Variants in RBFA observed in about 807,000 individuals in gnomAD.
RBFA encodes the protein ribosome binding factor A, also known as putative ribosome-binding factor A, mitochondrial.
A neutral mutation model predicts 27.9 loss-of-function variants in RBFA; 16 were observed. The observed-to-expected ratio is 0.57, with a 90% CI of 0.39 to 0.87. RBFA has a LOEUF of 0.87. Among genes scored for constraint, RBFA ranks in the 40% least tolerant of loss-of-function variants. RBFA has a pLI of 0.00. For synonymous variants in RBFA, 181 were observed against 181.0 expected, an observed-to-expected ratio of 1.00 and a Z score of 0.00; for missense variants, 456 against 432.1, an observed-to-expected ratio of 1.06 and a Z score of -0.49.
At chr18:80,045,077 G>T (rs1231125033) in intron 6 of RBFA, among the ~76,000 whole-genome samples, 1 of 152,250 alleles carries the variant, frequency 6.6e-6, no homozygotes, top group African/African-American at 2.4e-5. Context: ...GGATACAGGG[G>T]CTGTGACGTG....
chr18:80,038,540 G>C lies in RBFA; in HGVS notation c.414G>C (p.Ala138=). The C allele has an allele frequency of 1.2e-6, 2 of 1,613,914 alleles. No homozygotes were observed. The highest frequency in any genetic ancestry group is 1.7e-6 in the Non-Finnish European group (2 of 1,179,840). The change falls in exon 4 of 7, where the codon GCG becomes GCC. Residue 138 remains alanine (A), a synonymous_variant. Coordinates refer to ENST00000306735, the MANE Select transcript of RBFA (RefSeq NM_024805.3). ...CTCCAGACTTCTCAGCCTGCCGAGC[G>C]TACTGGAAGACAACGCTCTCTGCTG... ...SLTPDFSACR[A]YWKTTLSAEQ...
At chr18:80,044,384 G>A in intron 6 of RBFA, 99 bp downstream of exon 6, 1 of 1,055,362 alleles carries the variant, frequency 9.5e-7, no homozygotes, top group Non-Finnish European at 1.5e-6. Flanking sequence ...ATCCCGAGTA[G>A]CCTGCATGAT....
In RBFA at chr18:80,046,838, C is replaced by G. The variant is rs1265349178; in HGVS notation, c.*683C>G. 1 of 152,780 alleles carries G rather than the reference C, an allele frequency of 6.5e-6. No individual in the cohort carries two copies. Among genetic ancestry groups the G allele is most frequent in the Non-Finnish European group, 1.5e-5 (1 of 68,296 alleles). The allele number at this position is 152,780 out of a possible 1,614,324, so 9.5% of individuals were successfully genotyped here. On this transcript the variant is annotated 3_prime_UTR_variant, in exon 7 of 7. Transcript: ENST00000306735. ...CTTTTCCCTTGGTGCCCGTGGCCAGCTAGTGTATTTTCTAATCCATCCAAA... is the reference window on the plus strand; with the variant it reads ...CTTTTCCCTTGGTGCCCGTGGCCAGGTAGTGTATTTTCTAATCCATCCAAA...
rs1205247955 is a variant in RBFA, at chr18:80,034,671, G to A, written c.158+18G>A. 6.2e-7 allele frequency: 1 copy of A among 1,606,480 alleles called. No individual in the cohort carries two copies. Among genetic ancestry groups the A allele is most frequent in the Non-Finnish European group, 8.5e-7 (1 of 1,177,840 alleles). ...AAAACCAAGTAATGCGGCGGGGGCGGTGTCCCTGGGCGCGGTATTCCCTAG... is the reference window on the plus strand; with the variant it reads ...AAAACCAAGTAATGCGGCGGGGGCGATGTCCCTGGGCGCGGTATTCCCTAG... On this transcript the variant is annotated intron_variant, in intron 1 of 6. Transcript: ENST00000306735.
At chr18:80,039,533 G>A (rs1482396810) in intron 4 of RBFA, among the ~76,000 whole-genome samples, 2 of 152,174 alleles carry the variant, frequency 1.3e-5, no homozygotes, top group Non-Finnish European at 2.9e-5. Flanking sequence ...TCAAAAATAA[G>A]CGAGTGAACC....
rs1214230973 is a variant in RBFA, at chr18:80,034,472, C to T, written c.-24C>T. 8 of 1,493,398 alleles carry T rather than the reference C, an allele frequency of 5.4e-6. No individual in the cohort carries two copies. The highest frequency in any genetic ancestry group is 4.4e-5 in the African/African-American group (3 of 67,490). 92.5% of individuals were successfully genotyped at this position (1,493,398 alleles called of 1,614,324 possible). On this transcript the variant is annotated 5_prime_UTR_variant, in exon 1 of 7. Coordinates refer to ENST00000306735, the MANE Select transcript of RBFA (RefSeq NM_024805.3). ...CGCCTGCGCCCGTTGTCTCCCTGCTCGCTCCGGGTCCCGGCGCCGCGCCAT... is the reference window on the plus strand; with the variant it reads ...CGCCTGCGCCCGTTGTCTCCCTGCTTGCTCCGGGTCCCGGCGCCGCGCCAT...
In RBFA at chr18:80,046,590, G is replaced by A. The variant is rs117728362; in HGVS notation, c.*435G>A. On this transcript the variant is annotated 3_prime_UTR_variant, in exon 7 of 7. Coordinates refer to ENST00000306735, the MANE Select transcript of RBFA (RefSeq NM_024805.3). The stretch of plus-strand genomic sequence containing the variant: ...CCTGGAGCTGGGCTCCGTCCCTGGG[G>A]CTGCTGGGCTGGCACGTGGCGCCGG... Among the ~76,000 whole-genome samples, 189 of 152,250 alleles carry A rather than the reference G, an allele frequency of 1.2e-3. 1 individual carries two copies. In the East Asian group the frequency reaches 0.03, roughly 24 times the overall value.
At chr18:80,037,619 G>A in intron 3 of RBFA, 113 bp downstream of exon 3, 4 of 933,456 alleles carry the variant, frequency 4.3e-6, no homozygotes, top group Non-Finnish European at 6.3e-6. Context: ...ACTGGGCGCG[G>A]TGGCTCACGC....
In RBFA at chr18:80,037,469, G is replaced by A. The variant is rs1169659620; in HGVS notation, c.341G>A (p.Ser114Asn). 1.2e-6 allele frequency: 2 copies of A among 1,613,890 alleles called. No individual in the cohort carries two copies. The highest frequency in any genetic ancestry group is 1.7e-6 in the Non-Finnish European group (2 of 1,179,882). Residue 114 changes from serine to asparagine, a missense_variant, in exon 3 of 7, where the codon AGT (serine) becomes AAT (asparagine). Coordinates refer to ENST00000306735, the MANE Select transcript of RBFA (RefSeq NM_024805.3). ...GACCTGCTGTGTACCCCTGAAGTGA[G>A]TCAGGAGCTGTATGACCTTAACGTG... is the stretch of plus-strand genomic sequence containing the variant. ...LTDLLCTPEV[S>N]QELYDLNVEL...
intron 2 of RBFA, 22 bp downstream of exon 2, chr18:80,036,732 C>G: frequency 6.3e-7 from 1 of 1,587,474 alleles, no homozygotes; most frequent in Non-Finnish European, 8.6e-7. Flanking sequence ...CCATGAGCCA[C>G]TTTATAATCT....
At position 80,046,695 on chromosome 18, in the gene RBFA, C is replaced by T. The variant is rs1270309101; in HGVS notation, c.*540C>T. On this transcript the variant is annotated 3_prime_UTR_variant, in exon 7 of 7. Coordinates refer to ENST00000306735, the MANE Select transcript of RBFA (RefSeq NM_024805.3). The stretch of plus-strand genomic sequence containing the variant: ...TGACTGGCCTCTTCACAGCTTTGTG[C>T]AGCAGGCTCCACCTTCTGGTTCAGG... 6.6e-6 allele frequency among the ~76,000 whole-genome samples: 1 copy of T among 152,238 alleles called. No homozygotes were observed. Among genetic ancestry groups the T allele is most frequent in the African/African-American group, 2.4e-5 (1 of 41,462 alleles).
Position 80,045,891 on chromosome 18 carries a change from T to G in RBFA, c.768T>G (p.Asp256Glu), listed in dbSNP as rs759537914. ...KQIMEYKRRK[D>E]KGLGGLVWQG... The stretch of plus-strand genomic sequence containing the variant: ...TTATGGAGTACAAAAGGAGGAAAGA[T>G]AAAGGGCTCGGGGGCCTGGTGTGGC... Residue 256 changes from aspartate (D) to glutamate (E), a missense_variant, in exon 7 of 7, where the codon GAT (aspartate) becomes GAG (glutamate). By Grantham distance (45) the Asp-to-Glu change is conservative. Coordinates refer to ENST00000306735, the MANE Select transcript of RBFA (RefSeq NM_024805.3). The G allele has an allele frequency of 2.5e-6, 4 of 1,610,720 alleles. No homozygotes were observed. The highest frequency in any genetic ancestry group is 2.5e-6 in the Non-Finnish European group (3 of 1,178,560).
intron 4 of RBFA, 44 bp downstream of exon 4, chr18:80,038,661 C>A: frequency 2.2e-6 from 3 of 1,392,848 alleles, no homozygotes; most frequent in East Asian, 4.7e-5. Flanking sequence ...TTTGCTCATA[C>A]CCTAAATTTC....
At chr18:80,042,017 C>T (rs1039863898) in intron 4 of RBFA, 118 bp from the exon 5 acceptor site, 14 of 571,292 alleles carry the variant, frequency 2.5e-5, no homozygotes, top group South Asian at 1.7e-4. Context: ...TGAGCCACCG[C>T]GCCCGGCCTC....
chr18:80,036,557 C>CAG, intron 1 of RBFA, 111 bp from the exon 2 acceptor site: 1 of 642,254 alleles, frequency 1.6e-6, no homozygotes, highest in African/African-American at 1.8e-5. Context: ...AGTAATGTAA[C>CAG]ATCTAAGTTT....
chr18:80,046,239 G>A lies in RBFA; in HGVS notation c.*84G>A. On this transcript the variant is annotated 3_prime_UTR_variant, in exon 7 of 7. Transcript: ENST00000306735. ...ATGTGGCTTCATTGAGGCAGTTGAT[G>A]GAGTTAAACCATCTGCTCTTCTGCT... 6.9e-7 allele frequency: 1 copy of A among 1,444,400 alleles called. No homozygotes were observed. The highest frequency in any genetic ancestry group is 9.3e-7 in the Non-Finnish European group (1 of 1,071,342). 89.5% of individuals were successfully genotyped at this position (1,444,400 alleles called of 1,614,324 possible). A position where few individuals can be genotyped will look rare whatever the true frequency, so the allele number is the denominator to read the frequency against.
rs777683292 is a variant in RBFA at position 80,045,864 on chromosome 18, G to T, written c.741G>T (p.Gln247His). 22 of 1,599,484 alleles carry T rather than the reference G, an allele frequency of 1.4e-5. No homozygotes were observed. The highest frequency in any genetic ancestry group is 1.8e-5 in the Non-Finnish European group (21 of 1,172,896). ...TCGATCATGAGGCGCTCAACAAGCAGATTATGGAGTACAAAAGGAGGAAAG... is the reference window on the plus strand; with the variant it reads ...TCGATCATGAGGCGCTCAACAAGCATATTATGGAGTACAAAAGGAGGAAAG... The part of the protein sequence containing the change: ...CGIDHEALNK[Q>H]IMEYKRRKDK... The change falls in exon 7 of 7, where the codon CAG (glutamine) becomes CAT (histidine). Residue 247 changes from glutamine to histidine, a missense_variant. Transcript: ENST00000306735.
rs1568390445 is a variant in RBFA, at chr18:80,046,000, AAG to A, written c.880_881del (p.Ser294LeufsTer8). On this transcript the variant is annotated frameshift_variant, in exon 7 of 7. Transcript: ENST00000306735. LOFTEE classifies it low-confidence loss of function (END_TRUNC). ...CCGCCTGGAGCAGGACAGCTCCCTC[AAG>A]AGTTACCTGTCAGGCGAGGAGGTTG... ...KPRLEQDSSLKSYLSGEEVED... is the reference protein window; with the variant it reads ...KPRLEQDSSLXSYLSGEEVED... 2.5e-6 allele frequency: 4 copies of A among 1,614,178 alleles called. No individual in the cohort carries two copies. In the South Asian group the frequency reaches 4.4e-5, roughly 18 times the overall value.
chr18:80,044,784 C>A (rs947619902), intron 6 of RBFA, among the ~76,000 whole-genome samples: 4 of 152,248 alleles, frequency 2.6e-5, no homozygotes, highest in Non-Finnish European at 5.9e-5. Context: ...ACATGTAGTG[C>A]CTGACAGAGC....
Sources: gnomAD v4.1 joint callset for allele counts (sites outside exome capture counted in the v4.1 genomes callset) on GRCh38, gnomAD v4.1.1 for gene constraint, MANE v1.5 for transcripts, NCBI Gene and HGNC (gene_info 2026-07-23, HGNC 2026-07-21) for gene names.